Variants in CTNNA1 observed in about 807,000 individuals in gnomAD.
CTNNA1 encodes catenin alpha 1.
In CTNNA1, 37 loss-of-function variants were observed where a neutral mutation model predicts 98.4. The ratio of observed to expected loss-of-function variants is 0.38; its 90% CI spans 0.29 to 0.49. The LOEUF is 0.49. Among genes scored for constraint, CTNNA1 ranks in the 20% least tolerant of loss-of-function variants. The pLI, the probability that CTNNA1 is intolerant of heterozygous loss-of-function variation, is 0.95. For missense variants in CTNNA1, 761 were observed against 1,147.2 expected (o/e 0.66, Z 4.86); for synonymous variants, 404 against 413.2 (o/e 0.98, Z 0.27).
chr5:138,847,807 T>A (rs1762862185), intron 7 of CTNNA1, among the ~76,000 whole-genome samples: 1 of 152,224 alleles, frequency 6.6e-6, no homozygotes, highest in Admixed American at 6.5e-5. Flanking sequence ...CAACTCCCAT[T>A]TCTGTTGCTT....
chr5:138,815,439 G>C (rs904963996), intron 5 of CTNNA1, among the ~76,000 whole-genome samples: 2 of 152,100 alleles, frequency 1.3e-5, no homozygotes, highest in Non-Finnish European at 2.9e-5. Flanking sequence ...CCAGCAGGAG[G>C]TCAAAGGAGA....
chr5:138,788,174 A>G (rs1755927434), intron 3 of CTNNA1, among the ~76,000 whole-genome samples: 1 of 152,086 alleles, frequency 6.6e-6, no homozygotes, highest in Non-Finnish European at 1.5e-5. Flanking sequence ...GTGGTAATTT[A>G]AGTTGGTTGC....
intron 1 of CTNNA1, among the ~76,000 whole-genome samples, chr5:138,770,637 T>G (rs2693963): frequency 0.68 from 103,418 of 152,054 alleles, 35,415 homozygotes; most frequent in East Asian, 0.93. Context: ...GACTATTAGA[T>G]TTTCGCTCAG....
intron 3 of CTNNA1, among the ~76,000 whole-genome samples, chr5:138,794,012 A>ATTTT (rs10717660): frequency 4.5e-5 from 5 of 112,296 alleles, no homozygotes; most frequent in African/African-American, 1.7e-4. Context: ...TCCTGGGTTG[A>ATTTT]TTTTTTTTTT....
At position 138,764,868 on chromosome 5, in the gene CTNNA1, C is replaced by CTTTTTTT. The variant is rs35354499; in HGVS notation, c.-3+11374_-3+11380dup. On this transcript the variant is annotated intron_variant, in intron 1 of 17. Transcript: ENST00000302763. ...AAGCAGTAATTTGCTGTATCTCTCTCTTTTTTTTTTTTTTTTTTTTTTGAG... is the reference window on the plus strand; with the variant it reads ...AAGCAGTAATTTGCTGTATCTCTCTCTTTTTTTTTTTTTTTTTTTTTTTTTTTTTGAG... Among the ~76,000 whole-genome samples the CTTTTTTT allele has an allele frequency of 4.2e-4, 36 of 84,922 alleles. 2 individuals carry two copies. The highest frequency in any genetic ancestry group is 5.2e-4 in the African/African-American group (11 of 21,270). 55.7% of individuals were successfully genotyped at this position (84,922 alleles called of 152,430 possible).
intron 2 of CTNNA1, 147 bp from the exon 3 acceptor site, chr5:138,783,030 T>C (rs973322105): frequency 6.9e-6 from 4 of 579,796 alleles, no homozygotes; most frequent in Non-Finnish European, 1.2e-5. Flanking sequence ...ATCATTGCTG[T>C]ATATCTTAAA....
Position 138,917,744 on chromosome 5 carries a change from T to A in CTNNA1, c.1392T>A (p.Val464=). Residue 464 remains valine, a splice_region_variant and synonymous_variant, in exon 11 of 18, where the codon GTT becomes GTA. Transcript: ENST00000302763. ...GTGAAGTTTAATATCTTTTGCAGGT[T>A]ATTAATGCTGCACTGGCTTTAGCAG... The part of the protein sequence containing the change: ...ASQLEALCPQ[V]INAALALAAK... 6.2e-7 allele frequency: 1 copy of A among 1,613,992 alleles called. No individual in the cohort carries two copies. The highest frequency in any genetic ancestry group is 8.5e-7 in the Non-Finnish European group (1 of 1,179,946).
chr5:138,786,882 T>A (rs1208830896), intron 3 of CTNNA1, among the ~76,000 whole-genome samples: 1 of 152,220 alleles, frequency 6.6e-6, no homozygotes, highest in Non-Finnish European at 1.5e-5. Context: ...TGGAATTTCT[T>A]AGGCAGCAAA....
intron 7 of CTNNA1, among the ~76,000 whole-genome samples, chr5:138,839,133 T>A (rs953273768): frequency 9.2e-5 from 14 of 152,360 alleles, no homozygotes; most frequent in East Asian, 5.8e-4. Context: ...CAATTTTTTT[T>A]AAATTTGTTA....
At position 138,764,891 on chromosome 5, in the gene CTNNA1, G is replaced by A. The variant is rs888272791; in HGVS notation, c.-3+11381G>A. On this transcript the variant is annotated intron_variant, in intron 1 of 17. Transcript: ENST00000302763. ...CTCTTTTTTTTTTTTTTTTTTTTTTGAGATCTCGCCCTGTCGCCCATGCTG... is the reference window on the plus strand; with the variant it reads ...CTCTTTTTTTTTTTTTTTTTTTTTTAAGATCTCGCCCTGTCGCCCATGCTG... Among the ~76,000 whole-genome samples, 36 of 9,066 alleles carry A rather than the reference G, an allele frequency of 4.0e-3. 1 individual carries two copies. Among genetic ancestry groups the A allele is most frequent in the East Asian group, 4.1e-3 (1 of 242 alleles). The allele number at this position is 9,066 out of a possible 152,430, so 5.9% of individuals were successfully genotyped here.
chr5:138,852,874 C>G (rs1763361452), intron 7 of CTNNA1, among the ~76,000 whole-genome samples: 2 of 151,202 alleles, frequency 1.3e-5, no homozygotes, highest in Admixed American at 1.3e-4. Context: ...CGCGCGCGCA[C>G]ACACACATTT....
chr5:138,893,698 A>G (rs1231504315), intron 9 of CTNNA1, among the ~76,000 whole-genome samples: 1 of 151,780 alleles, frequency 6.6e-6, no homozygotes, highest in Non-Finnish European at 1.5e-5. Context: ...ATCTCGGCTC[A>G]CTGCAACCTC....
chr5:138,881,890 CTG>C lies in CTNNA1; in HGVS notation c.1063-4320_1063-4319del, dbSNP rs550118343. On this transcript the variant is annotated intron_variant, in intron 7 of 17. Transcript: ENST00000302763. ...TCCTTAAATGTTAAGGGTTAAAACA[CTG>C]TATTTCACCCTCCTCTACCCACCTC... 1.6e-4 allele frequency among the ~76,000 whole-genome samples: 24 copies of C among 152,144 alleles called. 1 individual carries two copies. Among genetic ancestry groups the C allele is most frequent in the Non-Finnish European group, 3.1e-4 (21 of 68,022 alleles).
chr5:138,784,551 G>C (rs1181247896), intron 3 of CTNNA1, among the ~76,000 whole-genome samples: 1 of 152,180 alleles, frequency 6.6e-6, no homozygotes, highest in Admixed American at 6.5e-5. Flanking sequence ...TACTGAAAAT[G>C]ATGAAATTAT....
rs1758906996 is a variant in CTNNA1, at chr5:138,812,305, A to G, written c.588+3A>G. On this transcript the variant is annotated splice_donor_region_variant and intron_variant, in intron 5 of 17. Transcript: ENST00000302763. ...TTATGGCAGCCAAAAGACAACAGGT[A>G]CAGTCATGATTTGGGGATATATTAA... 2 of 1,609,872 alleles carry G rather than the reference A, an allele frequency of 1.2e-6. No individual in the cohort carries two copies. The highest frequency in any genetic ancestry group is 8.5e-7 in the Non-Finnish European group (1 of 1,179,212).
At chr5:138,821,533 CTTTT>C (rs970715922) in intron 5 of CTNNA1, among the ~76,000 whole-genome samples, 1 of 151,994 alleles carries the variant, frequency 6.6e-6, no homozygotes, top group Non-Finnish European at 1.5e-5. Flanking sequence ...ACCATGGACC[CTTTT>C]TTTAAGTGTA....
chr5:138,800,853 C>G (rs1757503620), intron 3 of CTNNA1, among the ~76,000 whole-genome samples: 1 of 151,956 alleles, frequency 6.6e-6, no homozygotes, highest in South Asian at 2.1e-4. Context: ...ATGCCTGCAA[C>G]CACAGCTGCA....
At chr5:138,871,228 T>C (rs557058849) in intron 7 of CTNNA1, 1 of 152,322 alleles carries the variant, frequency 6.6e-6, no homozygotes, top group East Asian at 1.9e-4. Context: ...AAAAGATAAC[T>C]TGAAAAATGG....
intron 7 of CTNNA1, among the ~76,000 whole-genome samples, chr5:138,867,028 C>A (rs1447893039): frequency 6.6e-6 from 1 of 152,188 alleles, no homozygotes; most frequent in African/African-American, 2.4e-5. Context: ...ATTAAAATAA[C>A]TGATAAATCA....
Sources: gnomAD v4.1 joint callset for allele counts (sites outside exome capture counted in the v4.1 genomes callset) on GRCh38, gnomAD v4.1.1 for gene constraint, MANE v1.5 for transcripts, NCBI Gene and HGNC (gene_info 2026-07-23, HGNC 2026-07-21) for gene names.